SGCD: variants seen among roughly 807,000 people sequenced by gnomAD.
SGCD encodes the protein sarcoglycan delta.
Under a neutral mutation model 36.6 loss-of-function variants are expected in SGCD, and 18 were observed. That is an observed-to-expected ratio of 0.49 (90% confidence interval 0.34 to 0.73). The LOEUF (loss-of-function observed/expected upper bound fraction) is 0.73. Among genes scored for constraint, SGCD ranks in the 30% least tolerant of loss-of-function variants. SGCD has a pLI of 0.01. For synonymous variants in SGCD, 133 were observed against 130.6 expected (o/e 1.02, Z -0.12); for missense variants, 387 against 346.7 (o/e 1.12, Z -0.92).
intron 1 of SGCD, among the ~76,000 whole-genome samples, chr5:155,893,769 C>T (rs1456696849): frequency 6.6e-6 from 1 of 152,162 alleles, no homozygotes; most frequent in Non-Finnish European, 1.5e-5. Flanking sequence ...GAGAAATGTG[C>T]TCTTAGATAA....
At chr5:156,614,598 C>A (rs961200649) in intron 6 of SGCD, among the ~76,000 whole-genome samples, 3 of 152,212 alleles carry the variant, frequency 2.0e-5, no homozygotes, top group Non-Finnish European at 4.4e-5. Flanking sequence ...AACCTGTTGA[C>A]TCCCCCACAG....
chr5:156,482,269 A>G (rs1755463922), intron 3 of SGCD, among the ~76,000 whole-genome samples: 1 of 151,514 alleles, frequency 6.6e-6, no homozygotes, highest in Non-Finnish European at 1.5e-5. Flanking sequence ...GAAATCCTGA[A>G]AAAAAAAAAC....
At chr5:156,423,376 T>A (rs186925058) in intron 3 of SGCD, among the ~76,000 whole-genome samples, 1,316 of 83,574 alleles carry the variant, frequency 0.016, 41 homozygotes, top group African/African-American at 0.068. Context: ...TTATATTTTA[T>A]TATAATATAA....
Position 156,242,491 on chromosome 5 carries a change from G to T in SGCD, c.-43-87043G>T, listed in dbSNP as rs142679546. On this transcript the variant is annotated intron_variant, in intron 3 of 9. Coordinates refer to the SGCD transcript ENST00000517913. ...GACCTACGCACGTGAGTACATGTAA[G>T]ACTTGGGAAATCTGAATAATTAGTT... Among the ~76,000 whole-genome samples the T allele has an allele frequency of 1.5e-3, 221 of 152,234 alleles. 1 individual carries two copies. Among genetic ancestry groups the T allele is most frequent in the African/African-American group, 5.1e-3 (213 of 41,534 alleles).
chr5:156,507,582 C>T (rs1023876449), intron 3 of SGCD, among the ~76,000 whole-genome samples: 2 of 152,132 alleles, frequency 1.3e-5, no homozygotes, highest in Non-Finnish European at 2.9e-5. Flanking sequence ...TAGAAAATTG[C>T]ATCTGAATCT....
intron 7 of SGCD, among the ~76,000 whole-genome samples, chr5:156,681,089 G>A (rs1323884850): frequency 1.3e-5 from 2 of 152,198 alleles, no homozygotes; most frequent in African/African-American, 4.8e-5. Flanking sequence ...CATCTGCGGA[G>A]GGCCAAGTGC....
At chr5:156,399,330 G>T (rs1469642679) in intron 3 of SGCD, among the ~76,000 whole-genome samples, 1 of 152,182 alleles carries the variant, frequency 6.6e-6, no homozygotes, top group Non-Finnish European at 1.5e-5. Context: ...CAGGATTTTT[G>T]AATCCATTAT....
chr5:156,126,368 A>G (rs943184345), intron 3 of SGCD, among the ~76,000 whole-genome samples: 3 of 152,206 alleles, frequency 2.0e-5, no homozygotes, highest in Non-Finnish European at 2.9e-5. Flanking sequence ...CCAGCTACTT[A>G]CAACATAAAT....
chr5:156,675,794 A>T (rs541757130), intron 7 of SGCD, among the ~76,000 whole-genome samples: 1 of 152,272 alleles, frequency 6.6e-6, no homozygotes, highest in African/African-American at 2.4e-5. Flanking sequence ...AAAAGAATAG[A>T]ATTTAAATAT....
chr5:156,578,718 T>C (rs1455176645), intron 4 of SGCD, among the ~76,000 whole-genome samples: 1 of 152,234 alleles, frequency 6.6e-6, no homozygotes, highest in Non-Finnish European at 1.5e-5. Context: ...GTTTATAGTA[T>C]TCTCTGATGG....
At chr5:155,780,356 C>A in the SGCD span, among the ~76,000 whole-genome samples, 1 of 152,260 alleles carries the variant, frequency 6.6e-6, no homozygotes, top group South Asian at 2.1e-4. Context: ...TTAGAAAATA[C>A]TGTCTTTGTG....
chr5:156,026,904 T>C (rs1759236255), intron 1 of SGCD, among the ~76,000 whole-genome samples: 1 of 152,170 alleles, frequency 6.6e-6, no homozygotes, highest in South Asian at 2.1e-4. Context: ...AGCTCTGTCA[T>C]TGTAGTACAA....
At chr5:156,133,006 T>A (rs1581119572) in intron 3 of SGCD, among the ~76,000 whole-genome samples, 1 of 152,334 alleles carries the variant, frequency 6.6e-6, no homozygotes, top group East Asian at 1.9e-4. Flanking sequence ...CAGTATACAC[T>A]GAGTCCCTGT....
chr5:155,751,952 G>A, the SGCD span, among the ~76,000 whole-genome samples: 1 of 152,144 alleles, frequency 6.6e-6, no homozygotes, highest in Non-Finnish European at 1.5e-5. Flanking sequence ...TGACTTCTCT[G>A]AGACTGTTTG....
intron 3 of SGCD, among the ~76,000 whole-genome samples, chr5:156,471,098 G>C (rs1290522560): frequency 6.6e-6 from 1 of 152,092 alleles, no homozygotes; most frequent in African/African-American, 2.4e-5. Context: ...TATTACAATA[G>C]ACAAATACAG....
the SGCD span, among the ~76,000 whole-genome samples, chr5:155,794,986 A>G: frequency 2.6e-5 from 4 of 152,240 alleles, no homozygotes; most frequent in African/African-American, 7.2e-5. Flanking sequence ...TGCTACAATA[A>G]TACTGACAGC....
At chr5:155,753,334 T>TCAAAAAAAAAAAAAAAAAA in the SGCD span, among the ~76,000 whole-genome samples, 60 of 135,898 alleles carry the variant, frequency 4.4e-4, 8 homozygotes, top group African/African-American at 2.1e-3. Flanking sequence ...AGACTTTGTC[T>TCAAAAAAAAAAAAAAAAAA]AAAAAAAAAA....
Position 156,594,912 on chromosome 5 carries a change from T to C in SGCD, c.383-20T>C, listed in dbSNP as rs185692560. 7.2e-6 allele frequency: 11 copies of C among 1,531,376 alleles called. 1 individual carries two copies. In the Admixed American group the frequency reaches 1.1e-4, roughly 15 times the overall value. 94.9% of individuals were successfully genotyped at this position (1,531,376 alleles called of 1,614,324 possible). A position where few individuals can be genotyped will look rare whatever the true frequency, so the allele number is the denominator to read the frequency against. ...CTCTCCTCTCTCCTCTCTATCTCTC[T>C]ATCTCTCTATATCTCTCAGGTCCAA... On this transcript the variant is annotated intron_variant, in intron 5 of 8. Coordinates refer to ENST00000337851, the MANE Select transcript of SGCD (RefSeq NM_000337.6).
In SGCD at chr5:156,098,616, TA is replaced by T. The variant is rs60736426; in HGVS notation, c.-281-19261del. On this transcript the variant is annotated intron_variant, in intron 1 of 9. Transcript: ENST00000517913. Reference sequence around the variant, plus strand: ...GTGTATGTGTATATATATATATATATATTTATTTATGTTGCATGTGTATACA... The same window carrying T: ...GTGTATGTGTATATATATATATATATTTTATTTATGTTGCATGTGTATACA... Among the ~76,000 whole-genome samples, 964 of 147,918 alleles carry T rather than the reference TA, an allele frequency of 6.5e-3. 5 individuals carry two copies. Among genetic ancestry groups the T allele is most frequent in the African/African-American group, 0.023 (911 of 39,640 alleles).
Sources: gnomAD v4.1 joint callset for allele counts (sites outside exome capture counted in the v4.1 genomes callset) on GRCh38, gnomAD v4.1.1 for gene constraint, MANE v1.5 for transcripts, NCBI Gene and HGNC (gene_info 2026-07-23, HGNC 2026-07-21) for gene names.